Variants in TM9SF3 observed in about 807,000 individuals in gnomAD.
The protein encoded by TM9SF3 is transmembrane 9 superfamily member 3.
In TM9SF3, 14 loss-of-function variants were observed where a neutral mutation model predicts 78.6. The ratio of observed to expected loss-of-function variants is 0.18; its 90% confidence interval spans 0.12 to 0.28. The LOEUF is 0.28. Among genes scored for constraint, TM9SF3 ranks in the 10% least tolerant of loss-of-function variants. The probability of loss-of-function intolerance (pLI) is 1.00; values close to 1 mark genes in which losing one functional copy is unlikely to be tolerated. For synonymous variants in TM9SF3, 231 were observed against 241.7 expected (o/e 0.96, Z 0.41); for missense variants, 496 against 721.9 (o/e 0.69, Z 3.59).
chr10:96,546,199 A>T (rs1848097605), intron 8 of TM9SF3, among the ~76,000 whole-genome samples: 1 of 152,164 alleles, frequency 6.6e-6, no homozygotes, highest in African/African-American at 2.4e-5. Flanking sequence ...CCCTGGGTTG[A>T]CTTCTACATT....
At chr10:96,522,635 A>G (rs181009083) in intron 14 of TM9SF3, among the ~76,000 whole-genome samples, 32 of 152,036 alleles carry the variant, frequency 2.1e-4, no homozygotes, top group Non-Finnish European at 4.0e-4. Flanking sequence ...ATAATGGCAA[A>G]AGGTTGTTAA....
Position 96,528,033 on chromosome 10 carries a change from C to T in TM9SF3, c.1539G>A (p.Arg513=), listed in dbSNP as rs1338552287. Residue 513 remains arginine, a splice_region_variant and synonymous_variant, in exon 12 of 15, where the codon CGG becomes CGA. Coordinates refer to ENST00000371142, the MANE Select transcript of TM9SF3 (RefSeq NM_020123.4). The part of the protein sequence containing the change: ...TYFLLNAEDY[R]WQWTSFLSAA... ...TCTATCCACAAATAGGTACTTACCA[C>T]CGGTAATCTTCTGCATTTAGTAGAA... 1 of 1,609,544 alleles carries T rather than the reference C, an allele frequency of 6.2e-7. No homozygotes were observed. Among genetic ancestry groups the T allele is most frequent in the Non-Finnish European group, 8.5e-7 (1 of 1,177,534 alleles).
chr10:96,567,229 C>A (rs1848386133), intron 2 of TM9SF3, among the ~76,000 whole-genome samples: 3 of 151,678 alleles, frequency 2.0e-5, no homozygotes, highest in Admixed American at 2.0e-4. Context: ...GGATTACAAG[C>A]ATATGCCACC....
chr10:96,565,975 T>C (rs1848364855), intron 2 of TM9SF3, among the ~76,000 whole-genome samples: 1 of 152,198 alleles, frequency 6.6e-6, no homozygotes, highest in Admixed American at 6.5e-5. Flanking sequence ...AACATCACTG[T>C]TTATAAATTG....
At chr10:96,529,337 T>A (rs1847871686) in intron 11 of TM9SF3, among the ~76,000 whole-genome samples, 2 of 152,180 alleles carry the variant, frequency 1.3e-5, no homozygotes, top group Non-Finnish European at 2.9e-5. Flanking sequence ...AAATTAAATG[T>A]TACATAAACC....
At chr10:96,558,029 C>T (rs1230342690) in intron 5 of TM9SF3, among the ~76,000 whole-genome samples, 1 of 152,114 alleles carries the variant, frequency 6.6e-6, no homozygotes, top group East Asian at 1.9e-4. Context: ...ATAGCAGGTG[C>T]TCAATTAATA....
chr10:96,585,612 A>G (rs1266199055), intron 1 of TM9SF3, among the ~76,000 whole-genome samples: 2 of 152,242 alleles, frequency 1.3e-5, no homozygotes, highest in African/African-American at 4.8e-5. Context: ...ATAAGATCCC[A>G]GCTAGCCAAG....
intron 14 of TM9SF3, among the ~76,000 whole-genome samples, chr10:96,525,697 A>T (rs1847830602): frequency 6.6e-6 from 1 of 152,088 alleles, no homozygotes; most frequent in South Asian, 2.1e-4. Context: ...ACTCTCTGGA[A>T]ATGTTTCCAC....
chr10:96,583,019 G>A (rs1193793733), intron 1 of TM9SF3, among the ~76,000 whole-genome samples: 1 of 150,470 alleles, frequency 6.6e-6, no homozygotes, highest in African/African-American at 2.4e-5. Context: ...GGCGGAAGTT[G>A]CAGTGAGCCG....
intron 9 of TM9SF3, among the ~76,000 whole-genome samples, chr10:96,533,916 A>G (rs1847924840): frequency 6.6e-6 from 1 of 152,210 alleles, no homozygotes; most frequent in Non-Finnish European, 1.5e-5. Flanking sequence ...TCTTTATAAA[A>G]TCAGCTCTTT....
intron 2 of TM9SF3, among the ~76,000 whole-genome samples, chr10:96,569,593 T>A (rs559045714): frequency 1.2e-4 from 19 of 152,380 alleles, no homozygotes; most frequent in Non-Finnish European, 2.2e-4. Flanking sequence ...GCCTTAAATA[T>A]GTTTATACCC....
chr10:96,535,555 G>C (rs1417030718), intron 9 of TM9SF3, among the ~76,000 whole-genome samples: 1 of 152,074 alleles, frequency 6.6e-6, no homozygotes, highest in African/African-American at 2.4e-5. Flanking sequence ...TTCTATCTGG[G>C]CTTCCACATT....
intron 2 of TM9SF3, 69 bp from the exon 3 acceptor site, chr10:96,565,495 C>G: frequency 7.0e-7 from 1 of 1,419,860 alleles, no homozygotes; most frequent in Non-Finnish European, 9.3e-7. Flanking sequence ...AAAAAAAAGA[C>G]AAGAAAAAAG....
At chr10:96,546,374 A>G (rs973833892) in intron 8 of TM9SF3, among the ~76,000 whole-genome samples, 1 of 152,232 alleles carries the variant, frequency 6.6e-6, no homozygotes, top group Non-Finnish European at 1.5e-5. Flanking sequence ...GTAGTAAAGG[A>G]AAGTTGGGCT....
intron 2 of TM9SF3, among the ~76,000 whole-genome samples, chr10:96,567,981 A>G (rs1346830466): frequency 6.6e-6 from 1 of 152,252 alleles, no homozygotes. Context: ...AGTGTCTCTC[A>G]GAAGGATTGA....
At chr10:96,575,729 C>T (rs1457747020) in intron 2 of TM9SF3, among the ~76,000 whole-genome samples, 1 of 126,596 alleles carries the variant, frequency 7.9e-6, no homozygotes, top group African/African-American at 2.9e-5. Flanking sequence ...AATACAGTAC[C>T]AAAAAAAAAA....
At position 96,551,419 on chromosome 10, in the gene TM9SF3, C is replaced by A; in HGVS notation, c.793-8G>T. ...ATCTCCTAGGTCTCTATCCTATATA[C>A]AAATATATATATAGAGAGAGAAAAG... On this transcript the variant is annotated splice_region_variant and splice_polypyrimidine_tract_variant and intron_variant, in intron 6 of 14. Coordinates refer to ENST00000371142, the MANE Select transcript of TM9SF3 (RefSeq NM_020123.4). 1 of 1,563,878 alleles carries A rather than the reference C, an allele frequency of 6.4e-7. No individual in the cohort carries two copies. The highest frequency in any genetic ancestry group is 8.7e-7 in the Non-Finnish European group (1 of 1,154,422).
At chr10:96,527,071 A>G (rs1847846396) in intron 14 of TM9SF3, 142 bp downstream of exon 14, 2 of 614,444 alleles carry the variant, frequency 3.3e-6, no homozygotes, top group East Asian at 2.8e-5. Context: ...GGAAGAGTCA[A>G]AAGGACTGAA....
intron 1 of TM9SF3, among the ~76,000 whole-genome samples, chr10:96,583,574 C>T (rs1041128371): frequency 4.6e-5 from 7 of 152,184 alleles, no homozygotes; most frequent in African/African-American, 1.7e-4. Flanking sequence ...AGAAGACTAT[C>T]AACTCAGAAT....
Sources: allele counts gnomAD v4.1 joint callset (sites outside exome capture counted in the v4.1 genomes callset), GRCh38; gene constraint gnomAD v4.1.1; transcripts MANE v1.5; gene names NCBI Gene and HGNC (gene_info 2026-07-23, HGNC 2026-07-21).